AXDND1: variants seen among roughly 807,000 people sequenced by gnomAD.
AXDND1 encodes the protein axonemal dynein light chain domain containing 1, also known as axonemal dynein light chain domain-containing protein 1.
Under a neutral mutation model 137.5 loss-of-function variants are expected in AXDND1, and 110 were observed. The ratio of observed to expected loss-of-function variants is 0.80; its 90% CI spans 0.69 to 0.94. The LOEUF (loss-of-function observed/expected upper bound fraction) is 0.94. AXDND1 is among the 40% of genes least tolerant of loss of function. The pLI, the probability that AXDND1 is intolerant of heterozygous loss-of-function variation, is 0.00. For synonymous variants in AXDND1, 414 were observed against 399.7 expected (o/e 1.04, Z -0.43); for missense variants, 1,191 against 1,169.8 (o/e 1.02, Z -0.26).
intron 4 of AXDND1, among the ~76,000 whole-genome samples, chr1:179,376,553 C>T (rs1647305588): frequency 1.3e-5 from 2 of 152,186 alleles, no homozygotes; most frequent in South Asian, 2.1e-4. Context: ...ATGCTGTTCT[C>T]TACACTTTTC....
intron 4 of AXDND1, among the ~76,000 whole-genome samples, chr1:179,377,985 G>A (rs1469730004): frequency 2.6e-5 from 4 of 151,998 alleles, no homozygotes; most frequent in South Asian, 2.1e-4. Flanking sequence ...CGTGGCCAAC[G>A]TGGCAAAACC....
In AXDND1 at chr1:179,414,148, T is replaced by C. The variant is rs1241213530; in HGVS notation, c.1230+2882T>C. On this transcript the variant is annotated intron_variant, in intron 12 of 25. Transcript: ENST00000367618. Reference sequence around the variant, plus strand: ...CAGAAAAAAATAAATTTAAACATTATTTGAATTATTTAGCCTTTAATAAAG... The same window carrying C: ...CAGAAAAAAATAAATTTAAACATTACTTGAATTATTTAGCCTTTAATAAAG... 2.6e-5 allele frequency among the ~76,000 whole-genome samples: 4 copies of C among 151,988 alleles called. No individual in the cohort carries two copies. The East Asian group carries it at 7.7e-4, about 29-fold the overall frequency.
intron 16 of AXDND1, chr1:179,452,808 G>A (rs538543351): frequency 6.0e-5 from 9 of 151,130 alleles, no homozygotes; most frequent in South Asian, 2.1e-4. Context: ...TTAATCCCCC[G>A]AGACCATGGG....
rs1458346142 is a variant in AXDND1, at chr1:179,554,518, G to A, written c.3038G>A (p.Ter1013=). 1 of 1,614,112 alleles carries A rather than the reference G, an allele frequency of 6.2e-7. No individual in the cohort carries two copies. The highest frequency in any genetic ancestry group is 8.5e-7 in the Non-Finnish European group (1 of 1,180,020). ...NSSKSPKKGH[*] ...TTTGATTCCCCAAATACAGGTCACT[G>A]AATCCAAGGCAACCTGTGGAAAGAA... The change falls in exon 26 of 26, where the codon TGA becomes TAA. Residue 1013 remains the stop codon, a stop_retained_variant. Coordinates refer to ENST00000367618, the MANE Select transcript of AXDND1 (RefSeq NM_144696.6).
At chr1:179,423,383 C>G (rs562014020) in intron 12 of AXDND1, among the ~76,000 whole-genome samples, 82 of 152,134 alleles carry the variant, frequency 5.4e-4, no homozygotes, top group African/African-American at 1.8e-3. Context: ...GTTGCTTTAT[C>G]CTTTCAGCCA....
intron 16 of AXDND1, chr1:179,448,929 T>G (rs1045218673): frequency 9.1e-6 from 2 of 219,466 alleles, no homozygotes; most frequent in Admixed American, 1.1e-4. Context: ...CTGTGTCATG[T>G]AGGGTGGAGT....
chr1:179,433,075 T>G (rs1304347759), intron 15 of AXDND1, among the ~76,000 whole-genome samples: 1 of 152,220 alleles, frequency 6.6e-6, no homozygotes, highest in African/African-American at 2.4e-5. Context: ...GTTCAGGGAT[T>G]CAACTTCTTA....
chr1:179,478,043 C>G (rs1399117192), intron 17 of AXDND1, among the ~76,000 whole-genome samples: 3 of 152,206 alleles, frequency 2.0e-5, no homozygotes, highest in African/African-American at 7.2e-5. Flanking sequence ...CATGCTCATT[C>G]AAGAGGTGGG....
At chr1:179,428,554 G>A (rs549117372) in intron 12 of AXDND1, among the ~76,000 whole-genome samples, 4 of 152,258 alleles carry the variant, frequency 2.6e-5, no homozygotes, top group Non-Finnish European at 4.4e-5. Flanking sequence ...AGGCCTCTAT[G>A]AGACCCTTTT....
In AXDND1 at chr1:179,533,846, G is replaced by C; in HGVS notation, c.2767G>C (p.Ala923Pro). 1 of 1,613,154 alleles carries C rather than the reference G, an allele frequency of 6.2e-7. No individual in the cohort carries two copies. Among genetic ancestry groups the C allele is most frequent in the Non-Finnish European group, 8.5e-7 (1 of 1,179,358 alleles). The change falls in exon 24 of 26, where the codon GCT (alanine) becomes CCT (proline). Residue 923 changes from alanine (A) to proline (P), a missense_variant. Transcript: ENST00000367618. Reference protein sequence around the residue: ...TLAQKYLEAMAVIEHMQEKLL... With the variant: ...TLAQKYLEAMPVIEHMQEKLL... ...GGCCCAAAAATATCTTGAAGCAATGGCTGTAATTGAACATATGCAGGAGAA... is the reference window on the plus strand; with the variant it reads ...GGCCCAAAAATATCTTGAAGCAATGCCTGTAATTGAACATATGCAGGAGAA...
chr1:179,510,784 G>C (rs1342487653), intron 21 of AXDND1, among the ~76,000 whole-genome samples: 1 of 152,042 alleles, frequency 6.6e-6, no homozygotes, highest in African/African-American at 2.4e-5. Flanking sequence ...GGGTACAGGT[G>C]GTGTTTGGTT....
At position 179,410,223 on chromosome 1, in the gene AXDND1, A is replaced by G. The variant is rs1369566412; in HGVS notation, c.1110-923A>G. 4.6e-5 allele frequency among the ~76,000 whole-genome samples: 7 copies of G among 152,132 alleles called. No homozygotes were observed. The East Asian group carries it at 1.3e-3, about 29-fold the overall frequency. ...GTGAAATGCTACTTGTTACGTTATA[A>G]CTTCTATGTTTGTATTTACTTCAGG... On this transcript the variant is annotated intron_variant, in intron 11 of 25. Transcript: ENST00000367618.
chr1:179,369,331 G>C (rs977929551), intron 3 of AXDND1, among the ~76,000 whole-genome samples: 3 of 152,118 alleles, frequency 2.0e-5, no homozygotes, highest in Non-Finnish European at 4.4e-5. Flanking sequence ...ACCCGCCTTA[G>C]CCTCCCAAAG....
chr1:179,444,154 A>G (rs1231712709), intron 15 of AXDND1, among the ~76,000 whole-genome samples: 1 of 151,828 alleles, frequency 6.6e-6, no homozygotes, highest in Non-Finnish European at 1.5e-5. Flanking sequence ...AATAGCTCTC[A>G]TTTATTAAGC....
At chr1:179,532,289 G>A (rs1274437580) in intron 23 of AXDND1, among the ~76,000 whole-genome samples, 10 of 152,146 alleles carry the variant, frequency 6.6e-5, no homozygotes, top group Admixed American at 2.0e-4. Context: ...TCAAATGCAC[G>A]CAGGTAGTAG....
At position 179,492,938 on chromosome 1, in the gene AXDND1, T is replaced by C; in HGVS notation, c.2375T>C (p.Val792Ala). 6.2e-7 allele frequency: 1 copy of C among 1,602,230 alleles called. No individual in the cohort carries two copies. Among genetic ancestry groups the C allele is most frequent in the Non-Finnish European group, 8.5e-7 (1 of 1,173,174 alleles). ...HKNATEDLYE[V>A]DKLKKECYEW... ...AATGCTACTGAAGACCTTTATGAGG[T>C]GGATAAGTTGAAGGTAATAACTCTG... The change falls in exon 20 of 26, where the codon GTG becomes GCG. Residue 792 changes from valine (V) to alanine (A), a missense_variant. Val to Ala is a moderately conservative substitution (Grantham distance 64). Transcript: ENST00000367618.
Position 179,550,974 on chromosome 1 carries a change from G to A in AXDND1, c.3032-3538G>A, listed in dbSNP as rs1278242986. On this transcript the variant is annotated intron_variant, in intron 25 of 25. Coordinates refer to ENST00000367618, the MANE Select transcript of AXDND1 (RefSeq NM_144696.6). ...TAATTGCTCTGACTAGATGAGTCAC[G>A]GAAACATGTTGTCTGCCTTCTCTGT... 10 of 654,718 alleles carry A rather than the reference G, an allele frequency of 1.5e-5. No individual in the cohort carries two copies. The highest frequency in any genetic ancestry group is 2.4e-5 in the Non-Finnish European group (9 of 380,338). 40.6% of individuals were successfully genotyped at this position (654,718 alleles called of 1,614,324 possible). A position where few individuals can be genotyped will look rare whatever the true frequency, so the allele number is the denominator to read the frequency against.
At chr1:179,381,033 CTTTTTTT>C (rs750948760) in intron 6 of AXDND1, among the ~76,000 whole-genome samples, 7 of 96,500 alleles carry the variant, frequency 7.3e-5, no homozygotes, top group Non-Finnish European at 1.1e-4. Context: ...CTTTTGGTGA[CTTTTTTT>C]TTTTTTTTTT....
rs768856308 is a variant in AXDND1, at chr1:179,533,883, TATGAGTCAACACA to T, written c.2798+10_2798+22del. On this transcript the variant is annotated splice_region_variant and intron_variant, in intron 24 of 25. Transcript: ENST00000367618. ...CATATGCAGGAGAAGTTACTGTAAG[TATGAGTCAACACA>T]ATGGTAAGAGGATGAAAATGGCTGG... The T allele has an allele frequency of 6.2e-7, 1 of 1,609,792 alleles. No individual in the cohort carries two copies. The highest frequency in any genetic ancestry group is 8.5e-7 in the Non-Finnish European group (1 of 1,176,526).
Sources: allele counts gnomAD v4.1 joint callset (sites outside exome capture counted in the v4.1 genomes callset), GRCh38; gene constraint gnomAD v4.1.1; transcripts MANE v1.5; gene names NCBI Gene and HGNC (gene_info 2026-07-23, HGNC 2026-07-21).